The following EVL variants were observed in gnomAD, a reference collection of about 807,000 sequenced individuals.
The protein encoded by EVL is Enah/Vasp-like.
Under a neutral mutation model 59.6 loss-of-function variants are expected in EVL, and 21 were observed. That is an observed-to-expected ratio of 0.35 (90% CI 0.25 to 0.51). The LOEUF (loss-of-function observed/expected upper bound fraction) is 0.51. EVL is among the 20% of genes least tolerant of loss of function. EVL has a pLI of 0.97. For missense variants in EVL, 462 were observed against 546.6 expected, an observed-to-expected ratio of 0.85 and a Z score of 1.54; for synonymous variants, 198 against 203.5, an observed-to-expected ratio of 0.97 and a Z score of 0.23.
At chr14:99,986,290 C>CCAAAAAA (rs2060839736) in intron 1 of EVL, among the ~76,000 whole-genome samples, 1 of 78,482 alleles carries the variant, frequency 1.3e-5, no homozygotes, top group East Asian at 3.3e-4. Context: ...GACTCTGTCT[C>CCAAAAAA]AAAAAAAAAA....
At chr14:99,990,200 A>G (rs953914897) in intron 1 of EVL, among the ~76,000 whole-genome samples, 1 of 152,222 alleles carries the variant, frequency 6.6e-6, no homozygotes, top group African/African-American at 2.4e-5. Context: ...AATGACATCT[A>G]GAATGGTGAA....
chr14:100,041,673 CA>C (rs1387883508), intron 1 of EVL, among the ~76,000 whole-genome samples: 7 of 152,150 alleles, frequency 4.6e-5, no homozygotes, highest in Admixed American at 2.6e-4. Flanking sequence ...GATATCAGTG[CA>C]AAATACATCC....
At chr14:100,092,981 A>G (rs770140516) in intron 2 of EVL, among the ~76,000 whole-genome samples, 1 of 152,256 alleles carries the variant, frequency 6.6e-6, no homozygotes, top group Non-Finnish European at 1.5e-5. Flanking sequence ...AGCCTCACCC[A>G]AAAGTGGACT....
chr14:100,036,240 G>A (rs566120151), intron 1 of EVL, among the ~76,000 whole-genome samples: 34 of 152,248 alleles, frequency 2.2e-4, no homozygotes, highest in African/African-American at 6.3e-4. Context: ...ACCATCCCCC[G>A]ATCCCACCCC....
At chr14:99,996,265 G>A (rs1439817719) in intron 1 of EVL, among the ~76,000 whole-genome samples, 1 of 151,960 alleles carries the variant, frequency 6.6e-6, no homozygotes, top group Non-Finnish European at 1.5e-5. Context: ...GGCATACTTG[G>A]GGTACAGAAA....
At chr14:100,031,057 A>G (rs1224890941) in intron 1 of EVL, among the ~76,000 whole-genome samples, 1 of 152,214 alleles carries the variant, frequency 6.6e-6, no homozygotes, top group Non-Finnish European at 1.5e-5. Flanking sequence ...AATTGTAGCT[A>G]TGATGTGATA....
intron 1 of EVL, among the ~76,000 whole-genome samples, chr14:100,012,689 G>GC (rs1286360439): frequency 6.6e-6 from 1 of 152,156 alleles, no homozygotes; most frequent in African/African-American, 2.4e-5. Context: ...TGAGGCAAGG[G>GC]CCCCCCTTTC....
intron 3 of EVL, among the ~76,000 whole-genome samples, chr14:100,117,032 C>T (rs375589322): frequency 3.9e-5 from 6 of 152,192 alleles, no homozygotes; most frequent in African/African-American, 7.2e-5. Flanking sequence ...GAAGACAGGA[C>T]GGGGACCAAG....
At chr14:100,041,462 G>A (rs899056179) in intron 1 of EVL, among the ~76,000 whole-genome samples, 4 of 152,184 alleles carry the variant, frequency 2.6e-5, no homozygotes, top group African/African-American at 9.7e-5. Context: ...AGGAGGGATG[G>A]GGCAATTTCC....
chr14:100,076,792 G>T lies in EVL; in HGVS notation c.12-7895G>T, dbSNP rs1348597313. Reference sequence around the variant, plus strand: ...TTCCACAAGACTAAGCCAAGGGTTGGGTCGGCTGTGGACACTTTGGCAAGG... The same window carrying T: ...TTCCACAAGACTAAGCCAAGGGTTGTGTCGGCTGTGGACACTTTGGCAAGG... On this transcript the variant is annotated intron_variant, in intron 1 of 13. Transcript: ENST00000392920. Among the ~76,000 whole-genome samples, 7 of 152,136 alleles carry T rather than the reference G, an allele frequency of 4.6e-5. No homozygotes were observed. The East Asian group carries it at 1.2e-3, about 25-fold the overall frequency.
At chr14:100,060,916 C>T (rs1215902267), upstream of EVL, among the ~76,000 whole-genome samples, 2 of 145,556 alleles carry the variant, frequency 1.4e-5, no homozygotes, top group Non-Finnish European at 3.0e-5. Context: ...GCTGACTTCT[C>T]AGAAACCATG....
At chr14:100,074,376 TC>T (rs774858960) in intron 1 of EVL, 2 of 152,226 alleles carry the variant, frequency 1.3e-5, no homozygotes, top group Non-Finnish European at 2.9e-5. Flanking sequence ...TTGTCCTTTT[TC>T]AAGATAGTAT....
At chr14:100,036,591 T>C (rs2061392750) in intron 1 of EVL, among the ~76,000 whole-genome samples, 1 of 152,308 alleles carries the variant, frequency 6.6e-6, no homozygotes, top group East Asian at 1.9e-4. Context: ...ACAAATTTCA[T>C]TGTTCATGTC....
chr14:100,131,837 G>C (rs1413013117), intron 7 of EVL, among the ~76,000 whole-genome samples: 1 of 152,188 alleles, frequency 6.6e-6, no homozygotes, highest in East Asian at 1.9e-4. Context: ...TGATTCCCTG[G>C]TTTCTGGGCT....
chr14:100,031,884 C>T (rs747246081), intron 1 of EVL, among the ~76,000 whole-genome samples: 1 of 152,200 alleles, frequency 6.6e-6, no homozygotes, highest in Non-Finnish European at 1.5e-5. Context: ...AAAATCAACT[C>T]TGGGTCCCAT....
intron 1 of EVL, among the ~76,000 whole-genome samples, chr14:99,981,904 G>C (rs1196548193): frequency 6.6e-6 from 1 of 152,210 alleles, no homozygotes; most frequent in Non-Finnish European, 1.5e-5. Context: ...ATGAAACGAG[G>C]TCTGTCTGGA....
At chr14:100,065,549 C>T in intron 1 of EVL, 38 bp downstream of exon 1, 1 of 1,287,802 alleles carries the variant, frequency 7.8e-7, no homozygotes, top group Non-Finnish European at 1.1e-6. Flanking sequence ...AGAGGGATGT[C>T]AAGAGGAAAC....
chr14:100,005,660 CACACACACA>C (rs1566966988), intron 1 of EVL, among the ~76,000 whole-genome samples: 2 of 151,728 alleles, frequency 1.3e-5, no homozygotes, highest in African/African-American at 4.8e-5. Flanking sequence ...CACACACACA[CACACACACA>C]CCCCTTGGAT....
chr14:100,091,769 C>T (rs968338213), intron 2 of EVL, among the ~76,000 whole-genome samples: 2 of 152,166 alleles, frequency 1.3e-5, no homozygotes, highest in Non-Finnish European at 2.9e-5. Context: ...GGGTCGGAAG[C>T]ACAAGTCACA....
Sources: gnomAD v4.1 joint callset for allele counts (sites outside exome capture counted in the v4.1 genomes callset) on GRCh38, gnomAD v4.1.1 for gene constraint, MANE v1.5 for transcripts, NCBI Gene and HGNC (gene_info 2026-07-23, HGNC 2026-07-21) for gene names.